The following LAMB1 variants were observed in gnomAD, a reference collection of about 807,000 sequenced individuals.
The protein encoded by LAMB1 is laminin subunit beta 1, also known as laminin subunit beta-1.
A neutral mutation model predicts 222.3 loss-of-function variants in LAMB1; 121 were observed. The ratio of observed to expected loss-of-function variants is 0.54; its 90% CI spans 0.47 to 0.63. The LOEUF is 0.63. Ranked by LOEUF, LAMB1 falls within the 30% of genes least tolerant of loss-of-function variation. The pLI is 0.00. For missense variants in LAMB1, 2,172 were observed against 2,240.8 expected, an observed-to-expected ratio of 0.97 and a Z score of 0.62; for synonymous variants, 794 against 807.2, an observed-to-expected ratio of 0.98 and a Z score of 0.28.
Position 107,953,643 on chromosome 7 carries a change from G to C in LAMB1, c.2966C>G (p.Ala989Gly), listed in dbSNP as rs1429500517. The C allele has an allele frequency of 2.5e-6, 4 of 1,614,026 alleles. No homozygotes were observed. The African/African-American group carries it at 5.3e-5, about 22-fold the overall frequency. Residue 989 changes from alanine to glycine, a missense_variant, in exon 22 of 34, where the codon GCC becomes GGC. By Grantham distance (60) the Ala-to-Gly change is moderately conservative. Coordinates refer to ENST00000222399, the MANE Select transcript of LAMB1 (RefSeq NM_002291.3). ...HNNIDTTDPE[A>G]CDKETGRCLK... ...ACACCTCCCAGTCTCCTTGTCACAG[G>C]CTTCTGGGTCTGTCGTGTCAATGTT...
intron 2 of LAMB1, chr7:108,002,480 C>T: frequency 8.1e-7 from 1 of 1,229,600 alleles, no homozygotes; most frequent in Non-Finnish European, 1.1e-6. Flanking sequence ...CAGGCACTCT[C>T]CTGGGCAATG....
intron 2 of LAMB1, 30 bp downstream of exon 2, chr7:108,002,819 C>G: frequency 6.2e-7 from 1 of 1,613,866 alleles, no homozygotes; most frequent in Non-Finnish European, 8.5e-7. Flanking sequence ...CAAGTCCGTC[C>G]GCCTCCCCGC....
chr7:107,958,817 G>A (rs2033431751), intron 20 of LAMB1, among the ~76,000 whole-genome samples: 1 of 152,250 alleles, frequency 6.6e-6, no homozygotes, highest in African/African-American at 2.4e-5. Flanking sequence ...AGAGTCTCCT[G>A]GAAACTGTAG....
intron 25 of LAMB1, 95 bp from the exon 26 acceptor site, chr7:107,937,372 T>C: frequency 3.3e-6 from 3 of 914,762 alleles, no homozygotes; most frequent in Non-Finnish European, 5.1e-6. Context: ...CCATTACTAA[T>C]TTCAAACCAA....
At chr7:107,944,305 C>CA (rs1425684680) in intron 24 of LAMB1, among the ~76,000 whole-genome samples, 2 of 152,122 alleles carry the variant, frequency 1.3e-5, no homozygotes, top group African/African-American at 4.8e-5. Flanking sequence ...GAAAACAGCC[C>CA]AACCCTGAAA....
In LAMB1 at chr7:107,923,974, C is replaced by T; in HGVS notation, c.5338G>A (p.Ala1780Thr). ...SLLKDISQKV[A>T]VYSTCL is the part of the protein sequence containing the mutation. Reference sequence around the variant, plus strand: ...TGTTACAAGCATGTGCTATACACAGCAACTTTCTGGCTTATATCCTTTAGG... The same window carrying T: ...TGTTACAAGCATGTGCTATACACAGTAACTTTCTGGCTTATATCCTTTAGG... Residue 1780 changes from alanine to threonine, a missense_variant, in exon 34 of 34, where the codon GCT (alanine) becomes ACT (threonine). Physicochemically the swap from Ala to Thr is moderately conservative, Grantham distance 58. Transcript: ENST00000222399. 1 of 1,609,980 alleles carries T rather than the reference C, an allele frequency of 6.2e-7. No individual in the cohort carries two copies. The highest frequency in any genetic ancestry group is 8.5e-7 in the Non-Finnish European group (1 of 1,178,968).
chr7:107,974,981 C>T lies in LAMB1; in HGVS notation c.1482+5G>A, dbSNP rs772899456. 1 of 1,537,888 alleles carries T rather than the reference C, an allele frequency of 6.5e-7. No homozygotes were observed. The highest frequency in any genetic ancestry group is 1.1e-5 in the South Asian group (1 of 89,552). On this transcript the variant is annotated splice_donor_5th_base_variant and intron_variant, in intron 12 of 33. Coordinates refer to ENST00000222399, the MANE Select transcript of LAMB1 (RefSeq NM_002291.3). ...ACCCATCCCACGTAATGAGGATTTA[C>T]TTACCAGGCACTGGTCACAATGCTG...
chr7:107,980,025 T>C (rs1584527395), intron 8 of LAMB1, among the ~76,000 whole-genome samples: 1 of 152,140 alleles, frequency 6.6e-6, no homozygotes, highest in Admixed American at 6.5e-5. Flanking sequence ...CTAGCCAACA[T>C]GATGAAACCC....
chr7:107,942,786 A>T (rs537860442), intron 24 of LAMB1: 25 of 152,264 alleles, frequency 1.6e-4, no homozygotes, highest in African/African-American at 5.3e-4. Flanking sequence ...GCTAAGAGTG[A>T]TGCTTGATCG....
Position 107,935,511 on chromosome 7 carries a change from T to A in LAMB1, c.4092A>T (p.Glu1364Asp), listed in dbSNP as rs1303043566. The change falls in exon 27 of 34, where the codon GAA (glutamate) becomes GAT (aspartate). Residue 1364 changes from glutamate to aspartate, a missense_variant. Physicochemically the swap from Glu to Asp is conservative, Grantham distance 45. Coordinates refer to ENST00000222399, the MANE Select transcript of LAMB1 (RefSeq NM_002291.3). ...CCTCTTGTTTTTCCTTGAACTGGGA[T>A]TCTCGCTCCATCATCACGTCTTCTA... ...DRVEDVMMER[E>D]SQFKEKQEEQ... 13 of 1,613,912 alleles carry A rather than the reference T, an allele frequency of 8.1e-6. No individual in the cohort carries two copies. The highest frequency in any genetic ancestry group is 1.3e-5 in the African/African-American group (1 of 74,852).
chr7:107,950,923 G>GGGGTGTGT (rs372104608), intron 24 of LAMB1, among the ~76,000 whole-genome samples: 2 of 147,750 alleles, frequency 1.4e-5, no homozygotes, highest in African/African-American at 2.5e-5. Flanking sequence ...GTGTATTTGT[G>GGGGTGTGT]GTGTGTGTGT....
At chr7:108,002,333 G>T in intron 2 of LAMB1, 1 of 1,316,776 alleles carries the variant, frequency 7.6e-7, no homozygotes, top group Non-Finnish European at 1.0e-6. Context: ...CTGGGGCTCT[G>T]GAGTGGTTTC....
intron 20 of LAMB1, among the ~76,000 whole-genome samples, chr7:107,957,801 A>G (rs1348495310): frequency 2.6e-5 from 4 of 152,198 alleles, no homozygotes; most frequent in African/African-American, 9.7e-5. Context: ...GAATGAGAAA[A>G]AAGAATGATG....
chr7:107,974,025 C>T (rs2033803712), intron 12 of LAMB1, among the ~76,000 whole-genome samples: 1 of 152,088 alleles, frequency 6.6e-6, no homozygotes, highest in Admixed American at 6.5e-5. Context: ...ATTCCTCCTG[C>T]CTTGGCCACC....
In LAMB1 at chr7:108,002,872, T is replaced by C. The variant is rs1323789559; in HGVS notation, c.14A>G (p.Gln5Arg). The change falls in exon 2 of 34, where the codon CAG (glutamine) becomes CGG (arginine). Residue 5 changes from glutamine to arginine, a missense_variant. By Grantham distance (43) the Gln-to-Arg change is conservative. Coordinates refer to ENST00000222399, the MANE Select transcript of LAMB1 (RefSeq NM_002291.3). ...ACCTAAGAAACTGAAAGCTAGCAACTGGAGAAGCCCCATGCCGGCTCCCTG... is the reference window on the plus strand; with the variant it reads ...ACCTAAGAAACTGAAAGCTAGCAACCGGAGAAGCCCCATGCCGGCTCCCTG... MGLL[Q>R]LLAFSFLALC... The C allele has an allele frequency of 1.2e-6, 2 of 1,614,026 alleles. No homozygotes were observed. The highest frequency in any genetic ancestry group is 1.7e-6 in the Non-Finnish European group (2 of 1,179,968).
chr7:107,991,897 C>T (rs1215766921), intron 5 of LAMB1, among the ~76,000 whole-genome samples: 1 of 101,370 alleles, frequency 9.9e-6, no homozygotes, highest in Non-Finnish European at 1.8e-5. Context: ...GAGAGCGAGA[C>T]TTCGTCTCAA....
intron 24 of LAMB1, among the ~76,000 whole-genome samples, chr7:107,950,734 CAG>C (rs1051522618): frequency 6.6e-6 from 1 of 152,186 alleles, no homozygotes; most frequent in Non-Finnish European, 1.5e-5. Flanking sequence ...AAACTGTCAA[CAG>C]AGTCTAGTTG....
chr7:107,987,791 C>T (rs1017182367), intron 5 of LAMB1, among the ~76,000 whole-genome samples: 6 of 152,178 alleles, frequency 3.9e-5, no homozygotes, highest in Admixed American at 2.0e-4. Context: ...TGTGAGCCCC[C>T]GCGCCTGGGC....
At chr7:107,966,811 T>C (rs2033646195) in intron 13 of LAMB1, among the ~76,000 whole-genome samples, 1 of 152,212 alleles carries the variant, frequency 6.6e-6, no homozygotes, top group Non-Finnish European at 1.5e-5. Flanking sequence ...GTGCTGCCTC[T>C]ATCTGCAGCA....
Sources: allele counts gnomAD v4.1 joint callset (sites outside exome capture counted in the v4.1 genomes callset), GRCh38; gene constraint gnomAD v4.1.1; transcripts MANE v1.5; gene names NCBI Gene and HGNC (gene_info 2026-07-23, HGNC 2026-07-21).